Variants in TAFA4 observed in about 807,000 individuals in gnomAD.
The protein encoded by TAFA4 is TAFA chemokine like family member 4, also known as chemokine-like protein TAFA-4.
A neutral mutation model predicts 21.1 loss-of-function variants in TAFA4; 20 were observed. That is an observed-to-expected ratio of 0.95 (90% confidence interval 0.67 to 1.38). The LOEUF (loss-of-function observed/expected upper bound fraction) is 1.38, where lower values mean the gene tolerates loss of function less well. Ranked by LOEUF, TAFA4 falls within the 40% of genes most tolerant of loss-of-function variation. The pLI is 0.00. For synonymous variants in TAFA4, 71 were observed against 67.4 expected (o/e 1.05, Z -0.26); for missense variants, 211 against 180.9 (o/e 1.17, Z -0.95).
intron 3 of TAFA4, among the ~76,000 whole-genome samples, chr3:68,864,806 C>A (rs1248723058): frequency 6.6e-6 from 1 of 151,900 alleles, no homozygotes; most frequent in Non-Finnish European, 1.5e-5. Context: ...AAAAAAAGAA[C>A]CCATATATAT....
chr3:68,736,224 T>C (rs1702238567), intron 5 of TAFA4, among the ~76,000 whole-genome samples: 1 of 151,900 alleles, frequency 6.6e-6, no homozygotes, highest in South Asian at 2.1e-4. Flanking sequence ...AAAAACTCTT[T>C]AGCTCACCGA....
At chr3:68,750,411 T>C (rs1250926011) in intron 4 of TAFA4, among the ~76,000 whole-genome samples, 3 of 152,220 alleles carry the variant, frequency 2.0e-5, no homozygotes, top group Non-Finnish European at 4.4e-5. Flanking sequence ...CACAAAGATT[T>C]CTGCAACCTA....
At chr3:68,872,114 G>C (rs1043387780) in intron 3 of TAFA4, among the ~76,000 whole-genome samples, 1 of 152,048 alleles carries the variant, frequency 6.6e-6, no homozygotes, top group Non-Finnish European at 1.5e-5. Context: ...GTTTATTGCA[G>C]CCATATTTAC....
intron 3 of TAFA4, among the ~76,000 whole-genome samples, chr3:68,798,481 G>C (rs1703500726): frequency 2.0e-5 from 3 of 152,094 alleles, no homozygotes; most frequent in South Asian, 2.1e-4. Context: ...AATGTATCTG[G>C]AATCTGGACT....
chr3:68,776,957 T>C (rs1250969092), intron 3 of TAFA4, among the ~76,000 whole-genome samples: 5 of 152,066 alleles, frequency 3.3e-5, no homozygotes, highest in Non-Finnish European at 5.9e-5. Context: ...ATGATAATTT[T>C]TTAAAAGACA....
At chr3:68,745,523 A>C (rs1702441631) in intron 4 of TAFA4, among the ~76,000 whole-genome samples, 1 of 152,182 alleles carries the variant, frequency 6.6e-6, no homozygotes, top group Non-Finnish European at 1.5e-5. Context: ...TTTATGCAGA[A>C]AGAAAGAAAA....
intron 3 of TAFA4, among the ~76,000 whole-genome samples, chr3:68,854,825 C>T (rs547671651): frequency 1.4e-4 from 21 of 152,182 alleles, no homozygotes; most frequent in East Asian, 9.6e-4. Flanking sequence ...AACAACCTTA[C>T]GCTTCTGGAA....
intron 3 of TAFA4, among the ~76,000 whole-genome samples, chr3:68,839,040 A>C (rs927195084): frequency 6.6e-6 from 1 of 152,156 alleles, no homozygotes; most frequent in Non-Finnish European, 1.5e-5. Context: ...GGAGGCTTCA[A>C]TGAGCCATGA....
intron 3 of TAFA4, among the ~76,000 whole-genome samples, chr3:68,816,042 A>C (rs1186829150): frequency 2.0e-5 from 3 of 152,174 alleles, no homozygotes; most frequent in Admixed American, 1.3e-4. Context: ...GGAAACCATC[A>C]TTCTCAGCAA....
rs369174978 is a variant in TAFA4, at chr3:68,923,369, TG to T, written c.-123+8870del. Among the ~76,000 whole-genome samples, 582 of 152,212 alleles carry T rather than the reference TG, an allele frequency of 3.8e-3. 3 individuals are homozygous for T. The highest frequency in any genetic ancestry group is 0.013 in the African/African-American group (537 of 41,530). The stretch of plus-strand genomic sequence containing the variant: ...TAACTCCATCAAGCTGTGTTTTGGG[TG>T]GGAAGGATGCCCACGTCCTCTGCCT... On this transcript the variant is annotated intron_variant, in intron 1 of 5. Coordinates refer to ENST00000295569, the MANE Select transcript of TAFA4 (RefSeq NM_182522.5).
At chr3:68,783,269 C>G (rs536249115) in intron 3 of TAFA4, among the ~76,000 whole-genome samples, 1 of 152,240 alleles carries the variant, frequency 6.6e-6, no homozygotes, top group East Asian at 1.9e-4. Flanking sequence ...ACTAGAGGTC[C>G]TAGCCAGTGA....
intron 3 of TAFA4, among the ~76,000 whole-genome samples, chr3:68,809,849 C>T (rs1035620734): frequency 6.6e-6 from 1 of 152,116 alleles, no homozygotes; most frequent in Non-Finnish European, 1.5e-5. Context: ...TGTTTTGGCA[C>T]CTTTGTCAAA....
intron 3 of TAFA4, among the ~76,000 whole-genome samples, chr3:68,788,189 C>T (rs1298480211): frequency 1.3e-5 from 2 of 152,170 alleles, no homozygotes; most frequent in African/African-American, 4.8e-5. Flanking sequence ...ATGGCAGTAT[C>T]TCTATAGCTC....
chr3:68,828,026 A>G (rs1242214211), intron 3 of TAFA4, among the ~76,000 whole-genome samples: 1 of 152,204 alleles, frequency 6.6e-6, no homozygotes, highest in African/African-American at 2.4e-5. Context: ...TCTTCCATTT[A>G]AGTCTTTAAT....
intron 3 of TAFA4, among the ~76,000 whole-genome samples, chr3:68,806,920 C>A (rs946210649): frequency 2.6e-5 from 4 of 152,110 alleles, no homozygotes; most frequent in Non-Finnish European, 4.4e-5. Flanking sequence ...GTTACAGCAT[C>A]CTGAAAGGCC....
At chr3:68,928,469 A>T (rs2090129567) in intron 1 of TAFA4, among the ~76,000 whole-genome samples, 1 of 152,222 alleles carries the variant, frequency 6.6e-6, no homozygotes, top group South Asian at 2.1e-4. Context: ...ACCATAAATC[A>T]TTATCTTAAA....
chr3:68,801,642 G>A (rs1164032323), intron 3 of TAFA4, among the ~76,000 whole-genome samples: 1 of 152,092 alleles, frequency 6.6e-6, no homozygotes, highest in Non-Finnish European at 1.5e-5. Flanking sequence ...TCTGGCTCAA[G>A]GGTTAGTGAA....
chr3:68,812,594 G>A (rs1370071673), intron 3 of TAFA4, among the ~76,000 whole-genome samples: 1 of 152,278 alleles, frequency 6.6e-6, no homozygotes, highest in Admixed American at 6.5e-5. Context: ...TTACATAATG[G>A]TAAAGGGATC....
intron 3 of TAFA4, among the ~76,000 whole-genome samples, chr3:68,823,536 T>A (rs957593318): frequency 2.0e-5 from 3 of 152,172 alleles, no homozygotes; most frequent in Non-Finnish European, 4.4e-5. Context: ...ACTACACCTA[T>A]CAACCCATCA....
Sources: allele counts gnomAD v4.1 joint callset (sites outside exome capture counted in the v4.1 genomes callset), GRCh38; gene constraint gnomAD v4.1.1; transcripts MANE v1.5; gene names NCBI Gene and HGNC (gene_info 2026-07-23, HGNC 2026-07-21).